IGFL2: variants seen among roughly 807,000 people sequenced by gnomAD.
IGFL2 encodes IGF like family member 2.
IGFL2 carries 7 observed loss-of-function variants against 13.9 expected under a neutral mutation model. The observed-to-expected ratio is 0.51, with a 90% CI of 0.29 to 0.95. IGFL2 has a LOEUF of 0.95. IGFL2 is among the 40% of genes least tolerant of loss of function. The pLI is 0.08. For synonymous variants in IGFL2, 55 were observed against 55.8 expected (o/e 0.99, Z 0.07); for missense variants, 138 against 147.8 (o/e 0.93, Z 0.34).
intron 1 of IGFL2, among the ~76,000 whole-genome samples, chr19:46,155,865 G>A (rs557212270): frequency 1.4e-4 from 22 of 152,192 alleles, no homozygotes; most frequent in African/African-American, 4.8e-4. Flanking sequence ...GCAATACCAC[G>A]CTCTAAATTA....
At chr19:46,174,828 G>A in the IGFL2 span, among the ~76,000 whole-genome samples, 1 of 152,146 alleles carries the variant, frequency 6.6e-6, no homozygotes, top group African/African-American at 2.4e-5. Context: ...CTCGGTAATT[G>A]CTCATTACTT....
At chr19:46,149,304 TC>T (rs1205036911) in intron 1 of IGFL2, among the ~76,000 whole-genome samples, 1 of 47,598 alleles carries the variant, frequency 2.1e-5, no homozygotes, top group Non-Finnish European at 3.8e-5. Context: ...TCTTCCCCTC[TC>T]CCCCTCCCCC....
the IGFL2 span, among the ~76,000 whole-genome samples, chr19:46,079,271 G>A: frequency 6.6e-6 from 1 of 152,264 alleles, no homozygotes; most frequent in Admixed American, 6.5e-5. Flanking sequence ...GGCTGGGGCT[G>A]CTCGTTGGGT....
chr19:46,148,451 C>T (rs1038133516), intron 1 of IGFL2, among the ~76,000 whole-genome samples, 154 bp downstream of exon 1: 1 of 152,160 alleles, frequency 6.6e-6, no homozygotes, highest in Non-Finnish European at 1.5e-5. Flanking sequence ...AATCTCTCTT[C>T]CCCACCTGCA....
At chr19:46,079,409 C>A in the IGFL2 span, among the ~76,000 whole-genome samples, 1 of 152,202 alleles carries the variant, frequency 6.6e-6, no homozygotes, top group Non-Finnish European at 1.5e-5. Context: ...GCGAGTCGTG[C>A]GTACCATGGT....
intron 1 of IGFL2, among the ~76,000 whole-genome samples, chr19:46,153,492 T>C (rs1439612656): frequency 6.6e-6 from 1 of 152,194 alleles, no homozygotes; most frequent in Non-Finnish European, 1.5e-5. Context: ...TTTTGAGAAC[T>C]AGGTATTCAG....
the IGFL2 span, among the ~76,000 whole-genome samples, chr19:46,176,576 G>T: frequency 6.6e-6 from 1 of 152,168 alleles, no homozygotes; most frequent in Non-Finnish European, 1.5e-5. Context: ...GCTGCAGAAA[G>T]GGAGCCCTCA....
chr19:46,183,248 A>G, the IGFL2 span, among the ~76,000 whole-genome samples: 2 of 152,086 alleles, frequency 1.3e-5, no homozygotes, highest in South Asian at 2.1e-4. Context: ...GCATGAAGGA[A>G]CCACCCCCAT....
the IGFL2 span, among the ~76,000 whole-genome samples, chr19:46,079,494 T>C: frequency 4.0e-3 from 609 of 152,268 alleles, 1 homozygote; most frequent in African/African-American, 0.013. Context: ...TGCACCCCTA[T>C]AGCCCGAATG....
At chr19:46,085,893 C>T in the IGFL2 span, among the ~76,000 whole-genome samples, 233 of 152,276 alleles carry the variant, frequency 1.5e-3, 1 homozygote, top group African/African-American at 5.0e-3. Flanking sequence ...TTCTTTGCAA[C>T]AACAAAGAAA....
At chr19:46,158,437 C>T (rs923593637) in intron 1 of IGFL2, among the ~76,000 whole-genome samples, 1 of 151,760 alleles carries the variant, frequency 6.6e-6, no homozygotes, top group Non-Finnish European at 1.5e-5. Context: ...TCTTGATCTC[C>T]TGACCTCGTG....
the IGFL2 span, among the ~76,000 whole-genome samples, chr19:46,171,264 C>T: frequency 9.7e-4 from 148 of 152,200 alleles, 3 homozygotes; most frequent in Middle Eastern, 0.017. Flanking sequence ...CTGCTTCCCC[C>T]GATAAGTGAT....
the IGFL2 span, among the ~76,000 whole-genome samples, chr19:46,177,649 A>G: frequency 6.6e-6 from 1 of 152,012 alleles, no homozygotes; most frequent in Non-Finnish European, 1.5e-5. Flanking sequence ...ATCCCTTTGG[A>G]GAGTCCTCCT....
chr19:46,126,292 C>T, the IGFL2 span, among the ~76,000 whole-genome samples: 1 of 152,318 alleles, frequency 6.6e-6, no homozygotes, highest in South Asian at 2.1e-4. Context: ...CAGATTGGTT[C>T]CTGTGCTTTC....
chr19:46,126,338 T>C, the IGFL2 span, among the ~76,000 whole-genome samples: 2 of 152,192 alleles, frequency 1.3e-5, no homozygotes, highest in Admixed American at 6.5e-5. Context: ...CCAACAGCAT[T>C]GGTCATGCAA....
At chr19:46,149,165 CTCTCTCTCTCT>C in intron 1 of IGFL2, 2 of 675,236 alleles carry the variant, frequency 3.0e-6, no homozygotes, top group Non-Finnish European at 5.4e-6. Context: ...TCTCTCTTCT[CTCTCTCTCTCT>C]TCTCTCTCTC....
chr19:46,120,223 C>A, the IGFL2 span: 1 of 1,530,068 alleles, frequency 6.5e-7, no homozygotes. Flanking sequence ...TGAGCCATCC[C>A]TCTGAAGTCA....
chr19:46,174,524 T>C, the IGFL2 span, among the ~76,000 whole-genome samples: 1 of 152,198 alleles, frequency 6.6e-6, no homozygotes, highest in African/African-American at 2.4e-5. Context: ...TTCCCAATCA[T>C]GGAAAAACTG....
the IGFL2 span, among the ~76,000 whole-genome samples, chr19:46,123,121 ATTTTTTAATAGT>A: frequency 6.6e-6 from 1 of 150,850 alleles, no homozygotes; most frequent in Non-Finnish European, 1.5e-5. Context: ...AGCTACAGGA[ATTTTTTAATAGT>A]TTTTTTAATT....
Sources: allele counts gnomAD v4.1 joint callset (sites outside exome capture counted in the v4.1 genomes callset), GRCh38; gene constraint gnomAD v4.1.1; transcripts MANE v1.5; gene names NCBI Gene and HGNC (gene_info 2026-07-23, HGNC 2026-07-21).